The following ARID5B variants were observed in gnomAD, a reference collection of about 807,000 sequenced individuals.
The protein encoded by ARID5B is AT-rich interaction domain 5B.
A neutral mutation model predicts 97.2 loss-of-function variants in ARID5B; 13 were observed. That is an observed-to-expected ratio of 0.13 (90% CI 0.09 to 0.21). ARID5B has a LOEUF of 0.21. ARID5B is among the 10% of genes least tolerant of loss of function. The probability of loss-of-function intolerance (pLI) is 1.00; values close to 1 mark genes in which losing one functional copy is unlikely to be tolerated. For missense variants in ARID5B, 1,210 were observed against 1,465.3 expected, an observed-to-expected ratio of 0.83 and a Z score of 2.84; for synonymous variants, 556 against 570.3, an observed-to-expected ratio of 0.97 and a Z score of 0.36.
intron 3 of ARID5B, among the ~76,000 whole-genome samples, chr10:61,944,308 A>C (rs1446180040): frequency 6.6e-6 from 1 of 152,206 alleles, no homozygotes; most frequent in Non-Finnish European, 1.5e-5. Flanking sequence ...TCACCACACA[A>C]GCCTCTAGTT....
chr10:62,030,963 C>T (rs572959718), intron 4 of ARID5B, among the ~76,000 whole-genome samples: 18 of 152,214 alleles, frequency 1.2e-4, no homozygotes, highest in Middle Eastern at 3.4e-3. Context: ...GAGCTGGGTG[C>T]GGTGGCTCAC....
chr10:61,980,847 C>G (rs1340402270), intron 3 of ARID5B, among the ~76,000 whole-genome samples: 1 of 152,160 alleles, frequency 6.6e-6, no homozygotes, highest in Non-Finnish European at 1.5e-5. Flanking sequence ...AGGACAGTGA[C>G]TACTGTCCTG....
intron 3 of ARID5B, among the ~76,000 whole-genome samples, chr10:61,963,405 C>A (rs1214783052): frequency 6.6e-6 from 1 of 152,124 alleles, no homozygotes; most frequent in South Asian, 2.1e-4. Context: ...GGCAGAGATA[C>A]TGAAAGGGGC....
chr10:61,954,200 A>C (rs888839309), intron 3 of ARID5B, among the ~76,000 whole-genome samples: 2 of 151,918 alleles, frequency 1.3e-5, no homozygotes, highest in Non-Finnish European at 2.9e-5. Flanking sequence ...TCCACTAAAA[A>C]TACAAAATTA....
intron 3 of ARID5B, among the ~76,000 whole-genome samples, chr10:61,997,038 C>T (rs1342341197): frequency 6.6e-6 from 1 of 151,908 alleles, no homozygotes. Context: ...AATTCCTAGA[C>T]CCCAGCCTTA....
intron 5 of ARID5B, 199 bp downstream of exon 5, chr10:62,051,199 G>A: frequency 1.5e-6 from 1 of 648,326 alleles, no homozygotes; most frequent in Non-Finnish European, 2.8e-6. Context: ...GGGGAGGTAG[G>A]CATTTTGATT....
chr10:61,954,962 C>T (rs1421267539), intron 3 of ARID5B, among the ~76,000 whole-genome samples: 11 of 151,470 alleles, frequency 7.3e-5, no homozygotes, highest in Middle Eastern at 6.8e-3. Flanking sequence ...GCCAAGATCG[C>T]GCCATTGCAC....
chr10:62,012,652 C>T (rs1300418941), intron 4 of ARID5B, among the ~76,000 whole-genome samples: 9 of 152,196 alleles, frequency 5.9e-5, no homozygotes, highest in Non-Finnish European at 1.2e-4. Context: ...TACTCTGTTG[C>T]CTCCCTAAAC....
chr10:61,905,829 A>G (rs1843698442), intron 2 of ARID5B, among the ~76,000 whole-genome samples: 1 of 152,226 alleles, frequency 6.6e-6, no homozygotes, highest in South Asian at 2.1e-4. Context: ...ATATAATGAT[A>G]ACAGTTATAT....
intron 8 of ARID5B, among the ~76,000 whole-genome samples, chr10:62,083,070 C>T (rs1169491380): frequency 6.6e-6 from 1 of 151,928 alleles, no homozygotes; most frequent in African/African-American, 2.4e-5. Flanking sequence ...CACACTCTCT[C>T]ACACACTCAC....
At chr10:61,916,752 G>T (rs1441992952) in intron 2 of ARID5B, among the ~76,000 whole-genome samples, 1 of 152,186 alleles carries the variant, frequency 6.6e-6, no homozygotes, top group Non-Finnish European at 1.5e-5. Context: ...GGGTGGTAAA[G>T]TTAGCTGAGG....
intron 2 of ARID5B, among the ~76,000 whole-genome samples, chr10:61,921,723 C>T (rs1358221298): frequency 6.6e-6 from 1 of 152,178 alleles, no homozygotes; most frequent in African/African-American, 2.4e-5. Context: ...TTCGAGGCCA[C>T]CTATTACAGC....
At chr10:61,978,333 G>A (rs1838729141) in intron 3 of ARID5B, among the ~76,000 whole-genome samples, 1 of 152,152 alleles carries the variant, frequency 6.6e-6, no homozygotes, top group Non-Finnish European at 1.5e-5. Flanking sequence ...GAATTGACTT[G>A]GCCATGCAGG....
chr10:62,002,442 A>T lies in ARID5B; in HGVS notation c.733+2121A>T, dbSNP rs532865672. ...CTTCTAGATGGCTAGTTTAATAATTAGAGTATTAGACATTTTTTAGTTGTT... is the reference window on the plus strand; with the variant it reads ...CTTCTAGATGGCTAGTTTAATAATTTGAGTATTAGACATTTTTTAGTTGTT... On this transcript the variant is annotated intron_variant, in intron 4 of 9. Coordinates refer to ENST00000279873, the MANE Select transcript of ARID5B (RefSeq NM_032199.3). 5.0e-4 allele frequency among the ~76,000 whole-genome samples: 76 copies of T among 152,340 alleles called. 1 individual carries two copies. The highest frequency in any genetic ancestry group is 6.2e-4 in the Non-Finnish European group (42 of 68,034).
intron 4 of ARID5B, among the ~76,000 whole-genome samples, chr10:62,027,658 G>A (rs1166752452): frequency 1.3e-5 from 2 of 151,910 alleles, no homozygotes; most frequent in East Asian, 3.9e-4. Context: ...GCTTTGTACA[G>A]CCGGGCAGTA....
intron 3 of ARID5B, among the ~76,000 whole-genome samples, chr10:61,955,421 A>C (rs1838378836): frequency 6.6e-6 from 1 of 152,220 alleles, no homozygotes. Flanking sequence ...TCTTGACTTA[A>C]AGGAGGTGGG....
chr10:61,921,911 G>T (rs1029133320), intron 2 of ARID5B, among the ~76,000 whole-genome samples: 2 of 151,924 alleles, frequency 1.3e-5, no homozygotes, highest in African/African-American at 4.8e-5. Context: ...GTGTGACCAC[G>T]GCTCACTGCA....
chr10:61,928,511 T>C (rs1221701010), intron 2 of ARID5B, among the ~76,000 whole-genome samples: 1 of 152,106 alleles, frequency 6.6e-6, no homozygotes, highest in Non-Finnish European at 1.5e-5. Context: ...CAGGCTGATC[T>C]TGAACTCCTG....
intron 3 of ARID5B, among the ~76,000 whole-genome samples, chr10:61,986,589 T>G (rs1461840170): frequency 1.3e-5 from 2 of 151,942 alleles, no homozygotes; most frequent in Non-Finnish European, 2.9e-5. Flanking sequence ...CATGGTAAAA[T>G]AAAGTCAGAA....
Sources: allele counts gnomAD v4.1 joint callset (sites outside exome capture counted in the v4.1 genomes callset), GRCh38; gene constraint gnomAD v4.1.1; transcripts MANE v1.5; gene names NCBI Gene and HGNC (gene_info 2026-07-23, HGNC 2026-07-21).